Variants in LARP1B observed in about 807,000 individuals in gnomAD.
LARP1B encodes la-related protein 1B.
A neutral mutation model predicts 114.2 loss-of-function variants in LARP1B; 76 were observed. The ratio of observed to expected loss-of-function variants is 0.67; its 90% CI spans 0.55 to 0.81. LARP1B has a LOEUF of 0.81. Among genes scored for constraint, LARP1B ranks in the 30% least tolerant of loss-of-function variants. The pLI is 0.00. For missense variants in LARP1B, 1,014 were observed against 1,075.8 expected (o/e 0.94, Z 0.80); for synonymous variants, 345 against 348.0 (o/e 0.99, Z 0.10).
Position 128,170,768 on chromosome 4 carries a change from T to A in LARP1B, c.1649-6104T>A, listed in dbSNP as rs188479873. ...CATATAGTTAGTTCATGTTTTTTAT[T>A]CAGTCTGACAGTATATCTTTTAATT... is the stretch of plus-strand genomic sequence containing the variant. On this transcript the variant is annotated intron_variant, in intron 12 of 19. Transcript: ENST00000326639. Among the ~76,000 whole-genome samples, 4 of 152,206 alleles carry A rather than the reference T, an allele frequency of 2.6e-5. No homozygotes were observed. In the East Asian group the frequency reaches 7.7e-4, roughly 29 times the overall value.
intron 11 of LARP1B, among the ~76,000 whole-genome samples, chr4:128,155,128 C>A (rs994676313): frequency 6.6e-6 from 1 of 152,000 alleles, no homozygotes; most frequent in Admixed American, 6.5e-5. Flanking sequence ...CCTTTTTGAA[C>A]AAGGCAAGGT....
At chr4:128,098,747 G>GTGTGTGTGTATA in intron 8 of LARP1B, among the ~76,000 whole-genome samples, 7 of 15,586 alleles carry the variant, frequency 4.5e-4, no homozygotes, top group African/African-American at 5.8e-4. Context: ...ATATGTATGT[G>GTGTGTGTGTATA]TATATATATA....
intron 11 of LARP1B, among the ~76,000 whole-genome samples, chr4:128,131,119 T>G (rs1791445137): frequency 6.6e-6 from 1 of 152,210 alleles, no homozygotes; most frequent in Non-Finnish European, 1.5e-5. Flanking sequence ...ATTGTACACT[T>G]CTCAAAACCC....
At chr4:128,077,326 C>T (rs180689339) in intron 3 of LARP1B, among the ~76,000 whole-genome samples, 39 of 151,714 alleles carry the variant, frequency 2.6e-4, no homozygotes, top group African/African-American at 8.2e-4. Context: ...GGCGAAACCC[C>T]CTCTCTACTT....
Position 128,077,808 on chromosome 4 carries a change from A to C in LARP1B, c.63A>C (p.Gln21His), listed in dbSNP as rs1251726938. The C allele has an allele frequency of 6.3e-7, 1 of 1,598,840 alleles. No individual in the cohort carries two copies. Among genetic ancestry groups the C allele is most frequent in the Non-Finnish European group, 8.5e-7 (1 of 1,175,612 alleles). Residue 21 changes from glutamine (Q) to histidine (H), a missense_variant, in exon 4 of 20, where the codon CAA becomes CAC. Physicochemically the swap from Gln to His is conservative, Grantham distance 24 (BLOSUM62 0). Coordinates refer to ENST00000326639, the MANE Select transcript of LARP1B (RefSeq NM_018078.4). ...TGCAGTTTCAGAGCGTCCTCAGCCA[A>C]GGAAATAAAAAGCCACAAAATAGAA... The part of the protein sequence containing the change: ...VNTGFQSVLS[Q>H]GNKKPQNRKE...
At chr4:128,157,397 C>G (rs1736319684) in intron 11 of LARP1B, among the ~76,000 whole-genome samples, 1 of 151,980 alleles carries the variant, frequency 6.6e-6, no homozygotes, top group Non-Finnish European at 1.5e-5. Context: ...ATTGGATCCT[C>G]CAATGGGGGA....
intron 15 of LARP1B, among the ~76,000 whole-genome samples, chr4:128,182,219 T>TCCCAGACTCAAGTGAA (rs1748790553): frequency 1.3e-5 from 2 of 149,124 alleles, no homozygotes; most frequent in Admixed American, 1.3e-4. Flanking sequence ...ACTCAAGTGA[T>TCCCAGACTCAAGTGAA]CCTCCCACTT....
chr4:128,191,169 T>G (rs916377185), intron 15 of LARP1B, among the ~76,000 whole-genome samples: 1 of 152,130 alleles, frequency 6.6e-6, no homozygotes, highest in Non-Finnish European at 1.5e-5. Flanking sequence ...TTTAATTGCT[T>G]CTCTGTGTTA....
intron 5 of LARP1B, among the ~76,000 whole-genome samples, chr4:128,083,583 C>G (rs574437208): frequency 2.0e-5 from 3 of 147,690 alleles, no homozygotes; most frequent in East Asian, 2.1e-4. Flanking sequence ...CTGACCCCCC[C>G]ACCTCCCTCC....
At chr4:128,104,686 T>C (rs1479120063) in intron 8 of LARP1B, among the ~76,000 whole-genome samples, 1 of 152,166 alleles carries the variant, frequency 6.6e-6, no homozygotes, top group Non-Finnish European at 1.5e-5. Flanking sequence ...TCTCAGGTGA[T>C]CCACTCACCT....
Position 128,144,852 on chromosome 4 carries a change from C to G in LARP1B, c.1525-17342C>G, listed in dbSNP as rs187908490. ...TTAAGACCATGTTTTTCTTCTGTTT[C>G]TTCATATATATTTATAATAGTTGCT... On this transcript the variant is annotated intron_variant, in intron 11 of 19. Transcript: ENST00000326639. 3.6e-3 allele frequency among the ~76,000 whole-genome samples: 548 copies of G among 152,024 alleles called. 3 individuals are homozygous for G. Among genetic ancestry groups the G allele is most frequent in the Non-Finnish European group, 6.2e-3 (421 of 67,984 alleles).
At chr4:128,114,823 A>C in intron 10 of LARP1B, 81 bp downstream of exon 10, 1 of 1,302,662 alleles carries the variant, frequency 7.7e-7, no homozygotes, top group Non-Finnish European at 1.1e-6. Context: ...TGTTAGGTAC[A>C]TATGTAAAAT....
At chr4:128,184,495 C>A (rs1561521258) in intron 15 of LARP1B, among the ~76,000 whole-genome samples, 1 of 152,176 alleles carries the variant, frequency 6.6e-6, no homozygotes, top group East Asian at 1.9e-4. Context: ...TACATGCATA[C>A]AATGTGTAAT....
At chr4:128,113,013 A>G (rs754783386) in intron 9 of LARP1B, among the ~76,000 whole-genome samples, 7 of 152,236 alleles carry the variant, frequency 4.6e-5, no homozygotes, top group Non-Finnish European at 1.0e-4. Context: ...TTTAGTAAAT[A>G]TTAAACAAAA....
chr4:128,082,377 C>A, intron 5 of LARP1B, 72 bp downstream of exon 5: 2 of 1,336,164 alleles, frequency 1.5e-6, no homozygotes, highest in Non-Finnish European at 2.1e-6. Flanking sequence ...TTAGTAACCA[C>A]ATGTATAAAC....
intron 10 of LARP1B, among the ~76,000 whole-genome samples, chr4:128,114,943 T>G (rs1242918479): frequency 1.3e-5 from 2 of 148,712 alleles, no homozygotes; most frequent in African/African-American, 2.5e-5. Flanking sequence ...ATGTTATTTA[T>G]TTTTTTTTTT....
Position 128,199,432 on chromosome 4 carries a change from CA to C in LARP1B, c.2004-4del. The C allele has an allele frequency of 2.0e-6, 3 of 1,491,560 alleles. No homozygotes were observed. Among genetic ancestry groups the C allele is most frequent in the Non-Finnish European group, 2.7e-6 (3 of 1,114,944 alleles). 92.4% of individuals were successfully genotyped at this position (1,491,560 alleles called of 1,614,324 possible). ...TTTTGAAGGCTTTTTTCCCCTTTCTCAAACAGCACTTCAAATGCTTCACCTT... is the reference window on the plus strand; with the variant it reads ...TTTTGAAGGCTTTTTTCCCCTTTCTCAACAGCACTTCAAATGCTTCACCTT... On this transcript the variant is annotated splice_polypyrimidine_tract_variant and splice_region_variant and intron_variant, in intron 15 of 19. Coordinates refer to ENST00000326639, the MANE Select transcript of LARP1B (RefSeq NM_018078.4).
rs1554010737 is a variant in LARP1B, at chr4:128,098,747, GTATA to G, written c.813+435_813+438del. Among the ~76,000 whole-genome samples the G allele has an allele frequency of 3.8e-4, 6 of 15,586 alleles. 1 individual carries two copies. The highest frequency in any genetic ancestry group is 5.8e-4 in the African/African-American group (3 of 5,172). 10.2% of individuals were successfully genotyped at this position (15,586 alleles called of 152,430 possible). ...AGCATGTGTTCCTGTATATGTATGT[GTATA>G]TATATATATATATATATTTTTTTTT... is the stretch of plus-strand genomic sequence containing the variant. On this transcript the variant is annotated intron_variant, in intron 8 of 19. Coordinates refer to ENST00000326639, the MANE Select transcript of LARP1B (RefSeq NM_018078.4).
intron 5 of LARP1B, among the ~76,000 whole-genome samples, chr4:128,085,586 T>G (rs1194288511): frequency 6.6e-6 from 1 of 152,158 alleles, no homozygotes; most frequent in African/African-American, 2.4e-5. Context: ...CGGGCTGGTC[T>G]TGAACTCCTA....
Sources: allele counts gnomAD v4.1 joint callset (sites outside exome capture counted in the v4.1 genomes callset), GRCh38; gene constraint gnomAD v4.1.1; transcripts MANE v1.5; gene names NCBI Gene and HGNC (gene_info 2026-07-23, HGNC 2026-07-21).